PROM1: variants seen among roughly 807,000 people sequenced by gnomAD.
PROM1 encodes prominin 1.
A neutral mutation model predicts 116.9 loss-of-function variants in PROM1; 105 were observed. That is an observed-to-expected ratio of 0.90 (90% CI 0.77 to 1.06). The LOEUF (loss-of-function observed/expected upper bound fraction) is 1.06. PROM1 is among the 50% of genes least tolerant of loss of function. PROM1 has a pLI of 0.00. For missense variants in PROM1, 1,122 were observed against 1,045.2 expected (o/e 1.07, Z -1.01); for synonymous variants, 393 against 387.0 (o/e 1.02, Z -0.18).
At chr4:15,994,775 C>G (rs1409418910) in intron 15 of PROM1, among the ~76,000 whole-genome samples, 1 of 152,212 alleles carries the variant, frequency 6.6e-6, no homozygotes, top group Non-Finnish European at 1.5e-5. Flanking sequence ...TGTGGCATCT[C>G]TTCCTTGCCA....
At chr4:15,995,322 AGAAGAAGAC>A (rs56362161) in intron 15 of PROM1, among the ~76,000 whole-genome samples, 36,334 of 150,346 alleles carry the variant, frequency 0.24, 4,491 homozygotes, top group Admixed American at 0.32. Flanking sequence ...GAGAAAAAGA[AGAAGAAGAC>A]GAAGAAGACG....
At chr4:16,006,826 G>T in intron 12 of PROM1, 136 bp from the exon 13 acceptor site, 1 of 851,568 alleles carries the variant, frequency 1.2e-6, no homozygotes, top group Non-Finnish European at 1.8e-6. Context: ...TTCCTCAGAG[G>T]ACAATAATGT....
intron 23 of PROM1, among the ~76,000 whole-genome samples, chr4:15,984,016 C>T (rs966759848): frequency 1.3e-5 from 2 of 152,170 alleles, no homozygotes; most frequent in Non-Finnish European, 2.9e-5. Context: ...TTATTCTGAA[C>T]TAACAGGAGT....
intron 14 of PROM1, among the ~76,000 whole-genome samples, chr4:16,000,014 G>A (rs759504481): frequency 2.0e-5 from 3 of 152,162 alleles, no homozygotes; most frequent in Non-Finnish European, 2.9e-5. Context: ...ACTACTAGAC[G>A]TGTGCCAGGT....
intron 14 of PROM1, among the ~76,000 whole-genome samples, chr4:15,999,465 C>T (rs537934691): frequency 5.3e-5 from 8 of 150,244 alleles, no homozygotes; most frequent in South Asian, 2.1e-4. Context: ...AGTGAGACTC[C>T]GTCTTAAAAA....
chr4:15,990,031 C>A (rs1290103751), intron 18 of PROM1, among the ~76,000 whole-genome samples: 1 of 152,124 alleles, frequency 6.6e-6, no homozygotes, highest in African/African-American at 2.4e-5. Flanking sequence ...AGCAATAACC[C>A]ACACCCAAGA....
At chr4:15,987,504 A>C (rs575896840) in intron 20 of PROM1, among the ~76,000 whole-genome samples, 159 bp downstream of exon 20, 1 of 152,306 alleles carries the variant, frequency 6.6e-6, no homozygotes, top group South Asian at 2.1e-4. Context: ...TACTTGTAGA[A>C]AGGAAATAGT....
chr4:15,976,066 A>G, intron 26 of PROM1: 3 of 405,504 alleles, frequency 7.4e-6, no homozygotes, highest in Admixed American at 5.4e-5. Context: ...AGGTGTATGA[A>G]GTGCTAGGCC....
intron 23 of PROM1, among the ~76,000 whole-genome samples, chr4:15,980,922 G>A (rs915878316): frequency 6.9e-6 from 1 of 144,278 alleles, no homozygotes; most frequent in Non-Finnish European, 1.5e-5. Context: ...CAGCAGGTTT[G>A]AGTTTCAGTC....
At chr4:16,042,168 C>A (rs769427953) in intron 2 of PROM1, among the ~76,000 whole-genome samples, 18 of 152,282 alleles carry the variant, frequency 1.2e-4, no homozygotes, top group Middle Eastern at 3.4e-3. Context: ...AAGCCACTGA[C>A]AGGATTTGTT....
At position 16,037,644 on chromosome 4, in the gene PROM1, G is replaced by A. The variant is rs779500472; in HGVS notation, c.276+1302C>T. Among the ~76,000 whole-genome samples the A allele has an allele frequency of 2.0e-5, 3 of 152,216 alleles. No individual in the cohort carries two copies. The East Asian group carries it at 5.8e-4, about 29-fold the overall frequency. On this transcript the variant is annotated intron_variant, in intron 3 of 27. Coordinates refer to ENST00000447510, the MANE Select transcript of PROM1 (RefSeq NM_006017.3). ...CTATACATCTGCTTACTGGTAGCCC[G>A]ATAACCGCCTTCAAACCAGGAAAGG...
At chr4:16,074,294 T>C (rs1203998213) in intron 2 of PROM1, among the ~76,000 whole-genome samples, 1 of 152,196 alleles carries the variant, frequency 6.6e-6, no homozygotes, top group South Asian at 2.1e-4. Context: ...TTATTACACA[T>C]TGCATGTCTG....
intron 2 of PROM1, among the ~76,000 whole-genome samples, chr4:16,040,106 TG>T (rs886760963): frequency 1.3e-5 from 2 of 152,038 alleles, no homozygotes; most frequent in East Asian, 1.9e-4. Context: ...AATGTACTAA[TG>T]GGGGGGCAAA....
intron 12 of PROM1, among the ~76,000 whole-genome samples, 188 bp from the exon 13 acceptor site, chr4:16,006,878 A>T (rs1339143516): frequency 1.3e-5 from 2 of 152,114 alleles, no homozygotes; most frequent in Non-Finnish European, 2.9e-5. Context: ...TTCCAATTCA[A>T]CCAGCGGAGA....
At chr4:16,060,887 G>A (rs1034188841) in intron 2 of PROM1, among the ~76,000 whole-genome samples, 1 of 152,106 alleles carries the variant, frequency 6.6e-6, no homozygotes, top group Admixed American at 6.5e-5. Context: ...GAGCCCATTC[G>A]ATGATTCGGA....
At position 15,968,280 on chromosome 4, in the gene PROM1, G is replaced by A. The variant is rs1032204963; in HGVS notation, c.*1113C>T. ...TGAATCAGAACTGCAATCTGCACAT[G>A]AAAAGACCTGGGGGGAATGCCTACA... On this transcript the variant is annotated 3_prime_UTR_variant, in exon 28 of 28. Coordinates refer to ENST00000447510, the MANE Select transcript of PROM1 (RefSeq NM_006017.3). The A allele has an allele frequency of 5.9e-5, 9 of 152,174 alleles. No individual in the cohort carries two copies. The highest frequency in any genetic ancestry group is 1.3e-4 in the Admixed American group (2 of 15,282). 9.4% of individuals were successfully genotyped at this position (152,174 alleles called of 1,614,324 possible).
At position 16,022,861 on chromosome 4, in the gene PROM1, C is replaced by T. The variant is rs60968369; in HGVS notation, c.784+465G>A. Reference sequence around the variant, plus strand: ...CAGGAAGGAAAAAGGAATCAATTTCCCTCTGATTGACCTAAATGTCTATAG... The same window carrying T: ...CAGGAAGGAAAAAGGAATCAATTTCTCTCTGATTGACCTAAATGTCTATAG... On this transcript the variant is annotated intron_variant, in intron 8 of 27. Coordinates refer to ENST00000447510, the MANE Select transcript of PROM1 (RefSeq NM_006017.3). Among the ~76,000 whole-genome samples, 127 of 152,228 alleles carry T rather than the reference C, an allele frequency of 8.3e-4. 2 individuals carry two copies. In the East Asian group the frequency reaches 0.023, roughly 27 times the overall value.
rs142743866 is a variant in PROM1 at position 16,078,480 on chromosome 4, A to G, written c.-212-2362T>C. Among the ~76,000 whole-genome samples, 19 of 152,356 alleles carry G rather than the reference A, an allele frequency of 1.2e-4. No individual in the cohort carries two copies. The East Asian group carries it at 3.7e-3, about 29-fold the overall frequency. On this transcript the variant is annotated intron_variant, in intron 1 of 27. Transcript: ENST00000447510. ...GCTACAGGGCAAGTGCTGGCGTAGA[A>G]GCCAAAATATGTTATTTCCTTGTGC...
At chr4:16,039,094 T>C in intron 2 of PROM1, 93 bp from the exon 3 acceptor site, 1 of 1,010,538 alleles carries the variant, frequency 9.9e-7, no homozygotes, top group Non-Finnish European at 1.3e-6. Flanking sequence ...TTAAAAATTA[T>C]TATACCTATA....
Sources: gnomAD v4.1 joint callset for allele counts (sites outside exome capture counted in the v4.1 genomes callset) on GRCh38, gnomAD v4.1.1 for gene constraint, MANE v1.5 for transcripts, NCBI Gene and HGNC (gene_info 2026-07-23, HGNC 2026-07-21) for gene names.